PHF8: variants seen among roughly 807,000 people sequenced by gnomAD.
PHF8 encodes the protein PHD finger protein 8.
PHF8 carries 9 observed loss-of-function variants against 74.4 expected under a neutral mutation model. The observed-to-expected ratio is 0.12, with a 90% confidence interval of 0.07 to 0.21. The LOEUF is 0.21. Among genes scored for constraint, PHF8 ranks in the 10% least tolerant of loss-of-function variants. PHF8 has a pLI of 1.00. For synonymous variants in PHF8, 311 were observed against 316.6 expected, an observed-to-expected ratio of 0.98 and a Z score of 0.19; for missense variants, 478 against 816.6, an observed-to-expected ratio of 0.59 and a Z score of 5.05.
At chrX:54,040,849 C>T (rs2066540575) in intron 2 of PHF8, among the ~76,000 whole-genome samples, 1 of 112,134 alleles carries the variant, frequency 8.9e-6, no homozygotes, top group Admixed American at 9.4e-5. Context: ...ACCAGGAATC[C>T]TGAAAGACAT....
intron 2 of PHF8, among the ~76,000 whole-genome samples, chrX:54,033,850 G>T (rs2066404102): frequency 9.0e-6 from 1 of 111,339 alleles, no homozygotes; most frequent in Non-Finnish European, 1.9e-5. Flanking sequence ...TTGAACCCAG[G>T]AGGTGGAGGT....
chrX:54,001,099 G>T (rs1027036002), intron 10 of PHF8, among the ~76,000 whole-genome samples: 1 of 111,742 alleles, frequency 8.9e-6, no homozygotes, highest in African/African-American at 3.2e-5. Flanking sequence ...AGACTGAGGC[G>T]GGCGGATCAC....
At chrX:53,963,759 A>G (rs1370719877) in intron 18 of PHF8, among the ~76,000 whole-genome samples, 1 of 112,364 alleles carries the variant, frequency 8.9e-6, no homozygotes, top group African/African-American at 3.2e-5. Context: ...GGATGTGGAG[A>G]AATAGGAATG....
chrX:54,027,804 T>C (rs1315818767), intron 2 of PHF8, among the ~76,000 whole-genome samples: 1 of 110,119 alleles, frequency 9.1e-6, no homozygotes, highest in Non-Finnish European at 1.9e-5. Context: ...AAACAAAGCA[T>C]ACAAAAATCC....
intron 18 of PHF8, among the ~76,000 whole-genome samples, chrX:53,970,675 A>C (rs1254648842): frequency 1.8e-5 from 2 of 111,528 alleles, no homozygotes; most frequent in East Asian, 5.6e-4. Flanking sequence ...TGAAAAACAG[A>C]AAACAGCAGG....
intron 2 of PHF8, among the ~76,000 whole-genome samples, chrX:54,035,213 C>T (rs782150007): frequency 1.9e-4 from 20 of 107,726 alleles, no homozygotes; most frequent in Admixed American, 1.4e-3. Flanking sequence ...AAAAATTAGC[C>T]GGCTATGGTG....
At chrX:54,012,654 TG>T (rs1414622372) in intron 7 of PHF8, among the ~76,000 whole-genome samples, 3 of 110,359 alleles carry the variant, frequency 2.7e-5, no homozygotes, top group Non-Finnish European at 5.7e-5. Flanking sequence ...GTAAAAAAAT[TG>T]TCTGGACACA....
intron 18 of PHF8, among the ~76,000 whole-genome samples, chrX:53,975,642 T>C (rs1441228447): frequency 1.8e-5 from 2 of 112,196 alleles, no homozygotes; most frequent in African/African-American, 6.5e-5. Context: ...AAATATCGCA[T>C]GTTCTCACTC....
At chrX:53,973,213 C>T (rs1008116403) in intron 18 of PHF8, among the ~76,000 whole-genome samples, 28 of 112,008 alleles carry the variant, frequency 2.5e-4, no homozygotes, top group African/African-American at 9.1e-4. Context: ...GTGAAAATGG[C>T]CATGCTGCCC....
At position 54,044,068 on chromosome X, in the gene PHF8, G is replaced by C. The variant is rs1202553480; in HGVS notation, c.-399C>G. 2.7e-6 allele frequency: 2 copies of C among 754,422 alleles called. No individual in the cohort carries two copies. Among genetic ancestry groups the C allele is most frequent in the Non-Finnish European group, 3.1e-6 (2 of 639,396 alleles). 62.2% of individuals were successfully genotyped at this position (754,422 alleles called of 1,213,427 possible). On this transcript the variant is annotated 5_prime_UTR_variant, in exon 1 of 22. Coordinates refer to ENST00000338154, the MANE Select transcript of PHF8 (RefSeq NM_015107.3). Reference sequence around the variant, plus strand: ...CGAGCCCCCCGCTGGGTCGCGCGGCGCCAGCCGCTCAACGGTGCTTCAGAG... The same window carrying C: ...CGAGCCCCCCGCTGGGTCGCGCGGCCCCAGCCGCTCAACGGTGCTTCAGAG...
At chrX:54,027,111 G>A (rs782437802) in intron 2 of PHF8, among the ~76,000 whole-genome samples, 3 of 110,667 alleles carry the variant, frequency 2.7e-5, no homozygotes, top group East Asian at 5.7e-4. Flanking sequence ...TGGGTCACAT[G>A]TTTTCTTACC....
Position 53,987,821 on chromosome X carries a change from C to G in PHF8, c.1854G>C (p.Glu618Asp), listed in dbSNP as rs1557100101. 3 of 1,207,266 alleles carry G rather than the reference C, an allele frequency of 2.5e-6. No individual in the cohort carries two copies. In the African/African-American group the frequency reaches 5.2e-5, roughly 21 times the overall value. The change falls in exon 15 of 22, where the codon GAG (glutamate) becomes GAC (aspartate). Residue 618 changes from glutamate (E) to aspartate (D), a missense_variant. Physicochemically the swap from Glu to Asp is conservative, Grantham distance 45. Around this residue, in one of 9 missense-constraint regions of PHF8, gnomAD observed 153 missense variants for 164.8 expected, o/e 0.93. Coordinates refer to ENST00000338154, the MANE Select transcript of PHF8 (RefSeq NM_015107.3). ...TTCCCAATCTCTCGTCAATCTGCAGCTCATCATCTGAATCCAAGTCAAATT... is the reference window on the plus strand; with the variant it reads ...TTCCCAATCTCTCGTCAATCTGCAGGTCATCATCTGAATCCAAGTCAAATT... ...EDEFDLDSDD[E>D]LQIDERLGKE... is the part of the protein sequence containing the mutation.
At chrX:54,038,109 T>C (rs1224323981) in intron 2 of PHF8, among the ~76,000 whole-genome samples, 2 of 111,940 alleles carry the variant, frequency 1.8e-5, no homozygotes, top group African/African-American at 6.5e-5. Context: ...TTTTCTCCAC[T>C]ATTGTACAGC....
At chrX:53,968,041 GACCTTCCCTCC>G (rs1194576755) in intron 18 of PHF8, among the ~76,000 whole-genome samples, 9 of 102,742 alleles carry the variant, frequency 8.8e-5, no homozygotes, top group African/African-American at 3.1e-4. Context: ...TTTATCTGCT[GACCTTCCCTCC>G]ACTATTGTCC....
At chrX:54,033,346 A>AT (rs1557113092) in intron 2 of PHF8, among the ~76,000 whole-genome samples, 1 of 112,457 alleles carries the variant, frequency 8.9e-6, no homozygotes, top group Non-Finnish European at 1.9e-5. Context: ...TGTTGGAATT[A>AT]TTTAAGAATT....
In PHF8 at chrX:54,002,491, G is replaced by A. The variant is rs782412518; in HGVS notation, c.1034+104C>T. ...TCTTCAGCTGAACATGATCAGGAAC[G>A]AGGAACCATTCCTTTCTGGCCATGT... On this transcript the variant is annotated intron_variant, in intron 9 of 21. Transcript: ENST00000338154. 9.6e-4 allele frequency: 566 copies of A among 588,571 alleles called. 1 individual carries two copies. In the South Asian group the frequency reaches 0.013, roughly 13 times the overall value. The allele number at this position is 588,571 out of a possible 1,213,427, so 48.5% of individuals were successfully genotyped here. A position where few individuals can be genotyped will look rare whatever the true frequency, so the allele number is the denominator to read the frequency against.
chrX:53,944,299 C>T (rs2064798518), intron 19 of PHF8, 56 bp from the exon 20 acceptor site: 8 of 875,366 alleles, frequency 9.1e-6, no homozygotes, highest in Non-Finnish European at 1.2e-5. Context: ...GAAGGCTAGC[C>T]ATATTCCCTA....
intron 19 of PHF8, among the ~76,000 whole-genome samples, chrX:53,961,866 T>C (rs2065111395): frequency 9.0e-6 from 1 of 111,610 alleles, no homozygotes; most frequent in Non-Finnish European, 1.9e-5. Context: ...GTATGCATGA[T>C]ACTTTGCGAT....
chrX:53,955,420 A>G (rs782690820), intron 19 of PHF8, among the ~76,000 whole-genome samples: 1 of 109,987 alleles, frequency 9.1e-6, no homozygotes, highest in Non-Finnish European at 1.9e-5. Context: ...ATTATATCTT[A>G]TCTTTCACTC....
Sources: allele counts gnomAD v4.1 joint callset (sites outside exome capture counted in the v4.1 genomes callset), GRCh38; gene constraint gnomAD v4.1.1; regional missense constraint gnomAD v4.1.1; transcripts MANE v1.5; gene names NCBI Gene and HGNC (gene_info 2026-07-23, HGNC 2026-07-21).